The following KANK1 variants were observed in gnomAD, a reference collection of about 807,000 sequenced individuals.
KANK1 encodes KN motif and ankyrin repeat domain-containing protein 1.
Under a neutral mutation model 106.2 loss-of-function variants are expected in KANK1, and 109 were observed. That is an observed-to-expected ratio of 1.03 (90% CI 0.88 to 1.20). KANK1 has a LOEUF of 1.20. Among genes scored for constraint, KANK1 ranks in the 50% most tolerant of loss-of-function variants. KANK1 has a pLI of 0.00. For synonymous variants in KANK1, 873 were observed against 652.2 expected (o/e 1.34, Z -5.16); for missense variants, 2,399 against 1,710.7 (o/e 1.40, Z -7.10).
In KANK1 at chr9:554,383, A is replaced by G. The variant is rs113417797; in HGVS notation, c.-84+49629A>G. Among the ~76,000 whole-genome samples, 609 of 152,252 alleles carry G rather than the reference A, an allele frequency of 4.0e-3. 10 individuals are homozygous for G. The highest frequency in any genetic ancestry group is 0.014 in the African/African-American group (597 of 41,568). ...TGCCTTTCCTCTCCCTTTTTGTTCT[A>G]TTCTGGCCCTCACTGATTGGATGAC... On this transcript the variant is annotated intron_variant, in intron 1 of 11. Transcript: ENST00000382297.
intron 1 of KANK1, among the ~76,000 whole-genome samples, chr9:521,163 T>C (rs2059531032): frequency 6.6e-6 from 1 of 151,748 alleles, no homozygotes; most frequent in Non-Finnish European, 1.5e-5. Context: ...GATGACAAAA[T>C]AAAGTCATAC....
chr9:659,674 G>A (rs903263985), intron 1 of KANK1, among the ~76,000 whole-genome samples: 18 of 151,896 alleles, frequency 1.2e-4, no homozygotes, highest in Non-Finnish European at 2.1e-4. Context: ...AAGGTGGCAC[G>A]TCCTATGTGG....
chr9:555,247 A>T (rs1054469637), intron 1 of KANK1, among the ~76,000 whole-genome samples: 3 of 152,282 alleles, frequency 2.0e-5, no homozygotes, highest in African/African-American at 7.2e-5. Flanking sequence ...TGGCGATCTG[A>T]AGTCCTGAAG....
At chr9:518,419 T>TAG (rs1563704955) in intron 1 of KANK1, among the ~76,000 whole-genome samples, 2 of 151,768 alleles carry the variant, frequency 1.3e-5, no homozygotes, top group South Asian at 2.1e-4. Context: ...AGTTTTTACT[T>TAG]TACCGTTTCT....
intron 1 of KANK1, among the ~76,000 whole-genome samples, chr9:511,004 A>T (rs969909648): frequency 6.6e-6 from 1 of 152,194 alleles, no homozygotes; most frequent in Admixed American, 6.5e-5. Flanking sequence ...GAAATCAGAG[A>T]CTAGAAAGCT....
At chr9:633,156 T>C (rs1335487799) in intron 1 of KANK1, among the ~76,000 whole-genome samples, 1 of 152,094 alleles carries the variant, frequency 6.6e-6, no homozygotes, top group Non-Finnish European at 1.5e-5. Context: ...TTATGGACTA[T>C]TGATAAGAAC....
intron 1 of KANK1, among the ~76,000 whole-genome samples, chr9:651,322 T>C (rs1241596251): frequency 6.6e-6 from 1 of 152,204 alleles, no homozygotes; most frequent in African/African-American, 2.4e-5. Context: ...TTTGTTTCAT[T>C]GCTTCAAAAT....
chr9:608,805 T>C (rs1384418618), intron 1 of KANK1, among the ~76,000 whole-genome samples: 1 of 152,196 alleles, frequency 6.6e-6, no homozygotes, highest in Non-Finnish European at 1.5e-5. Flanking sequence ...CCCCAGTTGA[T>C]GGTCCAGAGT....
chr9:548,670 G>A (rs1369922654), intron 1 of KANK1, among the ~76,000 whole-genome samples: 1 of 152,166 alleles, frequency 6.6e-6, no homozygotes, highest in African/African-American at 2.4e-5. Context: ...TAGAAAAAAT[G>A]AAAGGATATA....
intron 3 of KANK1, among the ~76,000 whole-genome samples, chr9:499,093 G>T (rs996462041): frequency 5.9e-5 from 9 of 151,684 alleles, no homozygotes; most frequent in African/African-American, 2.2e-4. Context: ...CAGGAGAATG[G>T]CATGAACCTG....
intron 8 of KANK1, 106 bp from the exon 9 acceptor site, chr9:740,686 C>T: frequency 8.1e-7 from 1 of 1,233,558 alleles, no homozygotes. Context: ...CCACCTGGTA[C>T]CATTTCACTG....
intron 1 of KANK1, among the ~76,000 whole-genome samples, chr9:654,893 A>G (rs1244364992): frequency 6.6e-6 from 1 of 152,032 alleles, no homozygotes; most frequent in Admixed American, 6.6e-5. Flanking sequence ...GCCAAGTTCA[A>G]GTTCCCTAGT....
At chr9:637,133 G>T (rs1182935054) in intron 1 of KANK1, among the ~76,000 whole-genome samples, 1 of 152,134 alleles carries the variant, frequency 6.6e-6, no homozygotes, top group Admixed American at 6.5e-5. Context: ...TATCAGCAGA[G>T]CCTCTCCTAG....
At chr9:703,762 A>G (rs547451174) in intron 2 of KANK1, among the ~76,000 whole-genome samples, 1 of 151,820 alleles carries the variant, frequency 6.6e-6, no homozygotes, top group Non-Finnish European at 1.5e-5. Flanking sequence ...CCCAGGCTGG[A>G]ATGCAGTGGC....
At position 527,874 on chromosome 9, in the gene KANK1, C is replaced by T. The variant is rs988556274; in HGVS notation, c.-84+23120C>T. Among the ~76,000 whole-genome samples the T allele has an allele frequency of 1.1e-4, 16 of 149,166 alleles. 1 individual carries two copies. The highest frequency in any genetic ancestry group is 1.8e-4 in the Non-Finnish European group (12 of 67,788). On this transcript the variant is annotated intron_variant, in intron 1 of 11. Coordinates refer to ENST00000382297, the MANE Select transcript of KANK1 (RefSeq NM_015158.5). ...TCTTTAAAAGTTTTTAGGGGCGGGG[C>T]GCGATGGCTCATGCCTGTAATCACA...
At chr9:603,730 C>A (rs963593299) in intron 1 of KANK1, among the ~76,000 whole-genome samples, 1 of 151,370 alleles carries the variant, frequency 6.6e-6, no homozygotes, top group Non-Finnish European at 1.5e-5. Flanking sequence ...TCGAGGCGGG[C>A]GGATCACCTG....
intron 3 of KANK1, among the ~76,000 whole-genome samples, chr9:727,372 G>T (rs993598357): frequency 6.6e-6 from 1 of 151,842 alleles, no homozygotes; most frequent in East Asian, 1.9e-4. Flanking sequence ...CTGGAGTGCA[G>T]TGGGACGATC....
chr9:640,191 G>A (rs1838084064), intron 1 of KANK1, among the ~76,000 whole-genome samples: 1 of 152,104 alleles, frequency 6.6e-6, no homozygotes, highest in Non-Finnish European at 1.5e-5. Context: ...GCTCAGGCAG[G>A]GGTAGTCCAT....
At chr9:599,773 G>A (rs1827252355) in intron 1 of KANK1, among the ~76,000 whole-genome samples, 1 of 151,802 alleles carries the variant, frequency 6.6e-6, no homozygotes, top group Non-Finnish European at 1.5e-5. Flanking sequence ...ATATACGCAG[G>A]TTCTTCAGGG....
Sources: allele counts gnomAD v4.1 joint callset (sites outside exome capture counted in the v4.1 genomes callset), GRCh38; gene constraint gnomAD v4.1.1; transcripts MANE v1.5; gene names NCBI Gene and HGNC (gene_info 2026-07-23, HGNC 2026-07-21).